The following ITPRID1 variants were observed in gnomAD, a reference collection of about 807,000 sequenced individuals.
ITPRID1 encodes the protein ITPR interacting domain containing 1.
Under a neutral mutation model 95.4 loss-of-function variants are expected in ITPRID1, and 96 were observed. The ratio of observed to expected loss-of-function variants is 1.01; its 90% CI spans 0.85 to 1.19. ITPRID1 has a LOEUF of 1.19. ITPRID1 is among the 50% of genes most tolerant of loss of function. ITPRID1 has a pLI of 0.00. For missense variants in ITPRID1, 1,339 were observed against 1,252.9 expected (o/e 1.07, Z -1.04); for synonymous variants, 510 against 453.6 (o/e 1.12, Z -1.58).
intron 5 of ITPRID1, among the ~76,000 whole-genome samples, chr7:31,563,763 G>A (rs1181759198): frequency 3.9e-5 from 6 of 152,012 alleles, no homozygotes; most frequent in Non-Finnish European, 5.9e-5. Flanking sequence ...AATAGGGGGC[G>A]GCAGTGGAAT....
rs897914592 is a variant in ITPRID1, at chr7:31,652,536, G to A, written c.2842G>A (p.Ala948Thr). 4 of 1,602,046 alleles carry A rather than the reference G, an allele frequency of 2.5e-6. No individual in the cohort carries two copies. The highest frequency in any genetic ancestry group is 3.4e-6 in the Non-Finnish European group (4 of 1,173,626). ...CTTTTAGCAGCTGGAGGTTCTCACA[G>A]CAGAGCCACCTGAACACTATTCAAA... ...GILLQLEVLT[A>T]EPPEHYSNLH... is the part of the protein sequence containing the mutation. Residue 948 changes from alanine to threonine, a missense_variant, in exon 15 of 15, where the codon GCA (alanine) becomes ACA (threonine). Transcript: ENST00000615280.
intron 5 of ITPRID1, among the ~76,000 whole-genome samples, chr7:31,569,265 G>C (rs909791681): frequency 6.6e-6 from 1 of 152,090 alleles, no homozygotes; most frequent in African/African-American, 2.4e-5. Context: ...CATACATGCT[G>C]GGCCCTTCAT....
chr7:31,642,927 C>T lies in ITPRID1; in HGVS notation c.1557C>T (p.Ile519=), dbSNP rs762037981. 4 of 1,614,028 alleles carry T rather than the reference C, an allele frequency of 2.5e-6. No individual in the cohort carries two copies. In the South Asian group the frequency reaches 4.4e-5, roughly 18 times the overall value. The change falls in exon 12 of 15, where the codon ATC becomes ATT. Residue 519 remains isoleucine, a synonymous_variant. Coordinates refer to ENST00000615280, the MANE Select transcript of ITPRID1 (RefSeq NM_001257967.3). The part of the protein sequence containing the change: ...EAMEGPPELY[I]PDMACAKTTT... ...TGGAGGGGCCACCAGAGCTGTATAT[C>T]CCAGACATGGCCTGTGCCAAGACCA...
At chr7:31,519,658 A>G (rs1401593075) in intron 1 of ITPRID1, among the ~76,000 whole-genome samples, 1 of 125,794 alleles carries the variant, frequency 7.9e-6, no homozygotes, top group Admixed American at 8.4e-5. Flanking sequence ...ATCTTATGTT[A>G]TCCTGCTGGT....
At chr7:31,621,821 A>G (rs1445872938) in intron 10 of ITPRID1, among the ~76,000 whole-genome samples, 3 of 151,580 alleles carry the variant, frequency 2.0e-5, no homozygotes, top group Non-Finnish European at 4.4e-5. Flanking sequence ...CAAATTGGAT[A>G]AAGAGTCAAG....
intron 5 of ITPRID1, among the ~76,000 whole-genome samples, chr7:31,564,840 C>G (rs1471696492): frequency 6.6e-6 from 1 of 152,154 alleles, no homozygotes; most frequent in African/African-American, 2.4e-5. Flanking sequence ...CTGAAGACAC[C>G]TGGGCCGGGG....
At chr7:31,561,413 G>A (rs1031834954) in intron 5 of ITPRID1, among the ~76,000 whole-genome samples, 1 of 151,956 alleles carries the variant, frequency 6.6e-6, no homozygotes, top group African/African-American at 2.4e-5. Context: ...GTTGTTCTGA[G>A]ACTTCTCCAC....
chr7:31,624,209 T>A (rs371918309), intron 10 of ITPRID1, among the ~76,000 whole-genome samples: 4 of 146,920 alleles, frequency 2.7e-5, no homozygotes, highest in African/African-American at 1.0e-4. Flanking sequence ...AGGTAATTTA[T>A]AGATTCAATG....
At chr7:31,548,322 C>T (rs1784166660) in intron 1 of ITPRID1, among the ~76,000 whole-genome samples, 1 of 151,922 alleles carries the variant, frequency 6.6e-6, no homozygotes, top group South Asian at 2.1e-4. Context: ...AGGTGAATGC[C>T]CTGGATGTTG....
intron 1 of ITPRID1, among the ~76,000 whole-genome samples, chr7:31,522,379 C>T (rs547179178): frequency 6.6e-6 from 1 of 152,292 alleles, no homozygotes; most frequent in African/African-American, 2.4e-5. Context: ...CCATTGAGCA[C>T]TCACGGTGAG....
At chr7:31,583,492 G>A (rs1785480840) in intron 10 of ITPRID1, among the ~76,000 whole-genome samples, 1 of 152,192 alleles carries the variant, frequency 6.6e-6, no homozygotes, top group Non-Finnish European at 1.5e-5. Context: ...AGCTGGCGCA[G>A]TGGTGCGCAC....
intron 10 of ITPRID1, among the ~76,000 whole-genome samples, chr7:31,624,830 C>T (rs1313485635): frequency 1.3e-5 from 2 of 152,080 alleles, no homozygotes; most frequent in Non-Finnish European, 2.9e-5. Context: ...TCAGAGTGAA[C>T]AGGCAACCCA....
rs761514657 is a variant in ITPRID1 at position 31,651,258 on chromosome 7, AGAG to A, written c.2706_2708del (p.Glu903del). The A allele has an allele frequency of 1.2e-6, 2 of 1,613,122 alleles. No individual in the cohort carries two copies. Among genetic ancestry groups the A allele is most frequent in the South Asian group, 1.1e-5 (1 of 91,032 alleles). On this transcript the variant is annotated inframe_deletion, in exon 13 of 15. Transcript: ENST00000615280. ...AGGCCCTCTTTTCCAGGGACATGTC[AGAG>A]GAGGAAAGGTAATTACCTAAGGGAG...
At chr7:31,633,857 T>C (rs770514097) in intron 10 of ITPRID1, among the ~76,000 whole-genome samples, 6 of 152,192 alleles carry the variant, frequency 3.9e-5, no homozygotes, top group Non-Finnish European at 8.8e-5. Flanking sequence ...TCTACACAAC[T>C]TTATCACACT....
chr7:31,572,242 G>T lies in ITPRID1; in HGVS notation c.395+54G>T. On this transcript the variant is annotated intron_variant, in intron 7 of 14. Coordinates refer to ENST00000615280, the MANE Select transcript of ITPRID1 (RefSeq NM_001257967.3). ...TGAGAAATCATTCTGTGCAACAATG[G>T]ATTTCATGAAATTATAAATAGGCAC... 3.5e-6 allele frequency: 4 copies of T among 1,151,362 alleles called. No individual in the cohort carries two copies. The South Asian group carries it at 5.5e-5, about 16-fold the overall frequency. 71.3% of individuals were successfully genotyped at this position (1,151,362 alleles called of 1,614,324 possible). A position where few individuals can be genotyped will look rare whatever the true frequency, so the allele number is the denominator to read the frequency against.
In ITPRID1 at chr7:31,653,052, A is replaced by G; in HGVS notation, c.*223A>G. ...AGTATGTGCCTGGCACAGAGTATGC[A>G]ACAGTGACTAAATAGTATACGGTCT... On this transcript the variant is annotated 3_prime_UTR_variant, in exon 15 of 15. Transcript: ENST00000615280. 8.7e-7 allele frequency: 1 copy of G among 1,149,250 alleles called. No homozygotes were observed. The highest frequency in any genetic ancestry group is 1.2e-6 in the Non-Finnish European group (1 of 855,382). The allele number at this position is 1,149,250 out of a possible 1,614,324, so 71.2% of individuals were successfully genotyped here. A position where few individuals can be genotyped will look rare whatever the true frequency, so the allele number is the denominator to read the frequency against.
downstream of ITPRID1, chr7:31,658,450 A>C (rs533456418): frequency 3.6e-6 from 5 of 1,384,300 alleles, no homozygotes; most frequent in East Asian, 1.3e-4. Context: ...TGTCGAACAA[A>C]ATAGAACATT....
At chr7:31,537,915 A>G (rs903902241) in intron 1 of ITPRID1, among the ~76,000 whole-genome samples, 2 of 152,196 alleles carry the variant, frequency 1.3e-5, no homozygotes, top group Non-Finnish European at 2.9e-5. Flanking sequence ...TTCTGTAACA[A>G]AATATTCCAG....
At chr7:31,605,761 C>G (rs1786594789) in intron 10 of ITPRID1, among the ~76,000 whole-genome samples, 1 of 152,192 alleles carries the variant, frequency 6.6e-6, no homozygotes, top group East Asian at 1.9e-4. Flanking sequence ...TCTACTCTTC[C>G]TGGGAAAGTT....
Sources: allele counts gnomAD v4.1 joint callset (sites outside exome capture counted in the v4.1 genomes callset), GRCh38; gene constraint gnomAD v4.1.1; transcripts MANE v1.5; gene names NCBI Gene and HGNC (gene_info 2026-07-23, HGNC 2026-07-21).